The following DNASE1 variants were observed in gnomAD, a reference collection of about 807,000 sequenced individuals.
DNASE1 encodes deoxyribonuclease-1.
Under a neutral mutation model 33.9 loss-of-function variants are expected in DNASE1, and 40 were observed. The ratio of observed to expected loss-of-function variants is 1.18; its 90% CI spans 0.92 to 1.54. The LOEUF is 1.54. DNASE1 is among the 40% of genes most tolerant of loss of function. The probability of loss-of-function intolerance (pLI) is 0.00; values close to 1 mark genes in which losing one functional copy is unlikely to be tolerated. For synonymous variants in DNASE1, 216 were observed against 160.0 expected (o/e 1.35, Z -2.64); for missense variants, 518 against 372.6 (o/e 1.39, Z -3.21).
intron 1 of DNASE1, among the ~76,000 whole-genome samples, chr16:3,614,569 G>A (rs1264025927): frequency 6.6e-6 from 1 of 152,164 alleles, no homozygotes; most frequent in Non-Finnish European, 1.5e-5. Flanking sequence ...TTGCCTTTGG[G>A]TGGTCTCTAG....
At chr16:3,654,678 G>A (rs2042480839), upstream of DNASE1, 4 of 399,300 alleles carry the variant, frequency 1.0e-5, no homozygotes, top group South Asian at 2.5e-4. Flanking sequence ...AAGTGCAAAC[G>A]TGATTATCAG....
intron 1 of DNASE1, among the ~76,000 whole-genome samples, chr16:3,626,553 G>T (rs2041517189): frequency 6.6e-6 from 1 of 152,146 alleles, no homozygotes. Flanking sequence ...TTAGAATATA[G>T]TCCATCTTGA....
chr16:3,617,274 C>T lies in DNASE1; in HGVS notation c.-1359+5268C>T, dbSNP rs977542440. 6.7e-5 allele frequency among the ~76,000 whole-genome samples: 9 copies of T among 135,240 alleles called. No individual in the cohort carries two copies. In the Admixed American group the frequency reaches 6.7e-4, roughly 10 times the overall value. 88.7% of individuals were successfully genotyped at this position (135,240 alleles called of 152,430 possible). A position where few individuals can be genotyped will look rare whatever the true frequency, so the allele number is the denominator to read the frequency against. ...CCGGGAGATGGAGGTTGCGGTGAGC[C>T]GAGATCGCACCACTACGCTCCAGCC... On this transcript the variant is annotated intron_variant and NMD_transcript_variant, in intron 1 of 11. Transcript: ENST00000570769.
At position 3,617,300 on chromosome 16, in the gene DNASE1, T is replaced by C. The variant is rs2041138617; in HGVS notation, c.-1359+5294T>C. 2.6e-5 allele frequency among the ~76,000 whole-genome samples: 3 copies of C among 113,282 alleles called. No homozygotes were observed. The South Asian group carries it at 8.7e-4, about 33-fold the overall frequency. The allele number at this position is 113,282 out of a possible 152,430, so 74.3% of individuals were successfully genotyped here. ...GAGATCGCACCACTACGCTCCAGCC[T>C]AGTCAACAAGAGCGAAACTCCATCT... On this transcript the variant is annotated intron_variant and NMD_transcript_variant, in intron 1 of 11. Coordinates refer to the DNASE1 transcript ENST00000570769.
rs1327942834 is a variant in DNASE1, at chr16:3,656,664, G to C, written c.347G>C (p.Ser116Thr). ...CCTGACCAGGTGTCTGCGGTGGACAGCTACTACTACGATGATGGCTGCGAG... is the reference window on the plus strand; with the variant it reads ...CCTGACCAGGTGTCTGCGGTGGACACCTACTACTACGATGATGGCTGCGAG... ...YRPDQVSAVDSYYYDDGCEPC... is the reference protein window; with the variant it reads ...YRPDQVSAVDTYYYDDGCEPC... The change falls in exon 5 of 9, where the codon AGC becomes ACC. Residue 116 changes from serine to threonine, a missense_variant. Transcript: ENST00000246949. 6.2e-7 allele frequency: 1 copy of C among 1,612,934 alleles called. No individual in the cohort carries two copies. The highest frequency in any genetic ancestry group is 8.5e-7 in the Non-Finnish European group (1 of 1,179,614).
chr16:3,629,963 G>T (rs537993867), intron 1 of DNASE1, among the ~76,000 whole-genome samples: 1 of 152,080 alleles, frequency 6.6e-6, no homozygotes, highest in South Asian at 2.1e-4. Flanking sequence ...ACAGGCACCC[G>T]CCACCATGCG....
chr16:3,619,003 C>G (rs966710098), intron 1 of DNASE1, among the ~76,000 whole-genome samples: 8 of 151,984 alleles, frequency 5.3e-5, no homozygotes, highest in African/African-American at 9.7e-5. Flanking sequence ...CCTGACTCAG[C>G]CTACCTGTAG....
At chr16:3,657,477 A>C (rs2042751706) in intron 7 of DNASE1, 136 bp downstream of exon 7, 1 of 1,322,002 alleles carries the variant, frequency 7.6e-7, no homozygotes, top group African/African-American at 1.5e-5. Flanking sequence ...TACAGGGAAC[A>C]GAATAACAAG....
upstream of DNASE1, chr16:3,654,123 A>C: frequency 2.8e-6 from 1 of 355,902 alleles, no homozygotes; most frequent in Non-Finnish European, 5.0e-6. Flanking sequence ...AAACAATAAA[A>C]ACCCAAAACA....
At chr16:3,640,670 G>A (rs1445318833), upstream of DNASE1, 1 of 398,438 alleles carries the variant, frequency 2.5e-6, no homozygotes, top group Non-Finnish European at 4.4e-6. Flanking sequence ...GTGGTGCTGG[G>A]TGAGCTGATG....
rs56670885 is a variant in DNASE1, at chr16:3,617,326, C to CAAAAAAAAA, written c.-1359+5339_-1359+5347dup. Among the ~76,000 whole-genome samples, 69 of 57,684 alleles carry CAAAAAAAAA rather than the reference C, an allele frequency of 1.2e-3. 7 individuals carry two copies. The highest frequency in any genetic ancestry group is 1.9e-3 in the African/African-American group (25 of 12,906). The allele number at this position is 57,684 out of a possible 152,430, so 37.8% of individuals were successfully genotyped here. A position where few individuals can be genotyped will look rare whatever the true frequency, so the allele number is the denominator to read the frequency against. Reference sequence around the variant, plus strand: ...AGTCAACAAGAGCGAAACTCCATCTCAAAAAAAAAAAAAAAAAAAAAAAAA... The same window carrying CAAAAAAAAA: ...AGTCAACAAGAGCGAAACTCCATCTCAAAAAAAAAAAAAAAAAAAAAAAAAAAAAAAAAA... On this transcript the variant is annotated intron_variant and NMD_transcript_variant, in intron 1 of 11. Coordinates refer to the DNASE1 transcript ENST00000570769.
intron 1 of DNASE1, among the ~76,000 whole-genome samples, chr16:3,624,573 A>G (rs531962056): frequency 3.3e-5 from 5 of 152,346 alleles, no homozygotes; most frequent in African/African-American, 9.6e-5. Context: ...GAGCAGTCCA[A>G]CTGGGTGGAC....
At chr16:3,662,293 T>TA, downstream of DNASE1, 1 of 846,664 alleles carries the variant, frequency 1.2e-6, no homozygotes, top group Non-Finnish European at 1.8e-6. Flanking sequence ...CCCACTAACT[T>TA]GTGGGCCCTG....
intron 1 of DNASE1, 109 bp from the exon 2 acceptor site, chr16:3,655,263 CT>C (rs1297498999): frequency 8.0e-6 from 12 of 1,494,122 alleles, no homozygotes; most frequent in Admixed American, 1.9e-5. Flanking sequence ...CTGCGTCCCC[CT>C]GACCTTGAGC....
chr16:3,656,217 C>A, intron 4 of DNASE1, 32 bp downstream of exon 4: 1 of 1,608,062 alleles, frequency 6.2e-7, no homozygotes, highest in Non-Finnish European at 8.5e-7. Flanking sequence ...GAAGCCCCTC[C>A]CTCACCTGGG....
At chr16:3,645,188 C>T (rs969336712) in intron 1 of DNASE1, among the ~76,000 whole-genome samples, 3 of 152,156 alleles carry the variant, frequency 2.0e-5, no homozygotes, top group South Asian at 2.1e-4. Context: ...CCACCACAAC[C>T]AGCCCACTTT....
intron 1 of DNASE1, among the ~76,000 whole-genome samples, chr16:3,648,756 T>C (rs2042245402): frequency 6.6e-6 from 1 of 152,360 alleles, no homozygotes; most frequent in Non-Finnish European, 1.5e-5. Context: ...CTGCTTTCCC[T>C]GATTGCCTCT....
At chr16:3,658,270 G>A (rs575299783), downstream of DNASE1, 1 of 1,510,644 alleles carries the variant, frequency 6.6e-7, no homozygotes, top group Non-Finnish European at 9.0e-7. Flanking sequence ...AGGGGCATGG[G>A]GCACCTTTTC....
At chr16:3,634,705 G>T (rs2041815821) in intron 1 of DNASE1, among the ~76,000 whole-genome samples, 2 of 151,004 alleles carry the variant, frequency 1.3e-5, no homozygotes, top group Admixed American at 1.3e-4. Context: ...AGTAGAGACA[G>T]GGTCTCGCTA....
Sources: gnomAD v4.1 joint callset for allele counts (sites outside exome capture counted in the v4.1 genomes callset) on GRCh38, gnomAD v4.1.1 for gene constraint, MANE v1.5 for transcripts, NCBI Gene and HGNC (gene_info 2026-07-23, HGNC 2026-07-21) for gene names.